The following SLC2A9 variants were observed in gnomAD, a reference collection of about 807,000 sequenced individuals.
SLC2A9 encodes solute carrier family 2 member 9, also known as solute carrier family 2, facilitated glucose transporter member 9.
Under a neutral mutation model 50.6 loss-of-function variants are expected in SLC2A9, and 39 were observed. The observed-to-expected ratio is 0.77, with a 90% CI of 0.60 to 1.01. The LOEUF (loss-of-function observed/expected upper bound fraction) is 1.01. Ranked by LOEUF, SLC2A9 falls within the 50% of genes least tolerant of loss-of-function variation. The probability of loss-of-function intolerance (pLI) is 0.00; values close to 1 mark genes in which losing one functional copy is unlikely to be tolerated. For synonymous variants in SLC2A9, 324 were observed against 276.9 expected (o/e 1.17, Z -1.69); for missense variants, 686 against 677.6 (o/e 1.01, Z -0.14).
At chr4:9,920,883 G>A (rs142962676) in intron 6 of SLC2A9, among the ~76,000 whole-genome samples, 280 of 152,334 alleles carry the variant, frequency 1.8e-3, no homozygotes, top group African/African-American at 6.4e-3. Context: ...TATAACATTG[G>A]GCAGTTGTGT....
chr4:9,783,230 G>A lies in SLC2A9; in HGVS notation n.386-3165C>T, dbSNP rs376053096. ...GCTCATCTCCTACAACCAAGACATC[G>A]TCTTCCACAAGGAAATCGCAGCTGC... On this transcript the variant is annotated intron_variant and non_coding_transcript_variant, in intron 3 of 3. Coordinates refer to the SLC2A9 transcript ENST00000503803. The A allele has an allele frequency of 1.9e-6, 3 of 1,614,160 alleles. No individual in the cohort carries two copies. The highest frequency in any genetic ancestry group is 1.6e-4 in the Middle Eastern group (1 of 6,062).
chr4:9,967,818 T>C (rs1753271609), intron 5 of SLC2A9, among the ~76,000 whole-genome samples: 1 of 118,758 alleles, frequency 8.4e-6, no homozygotes, highest in Admixed American at 8.6e-5. Context: ...AATAAGAAAG[T>C]ATAGAACAAA....
At chr4:9,789,715 C>T (rs955871056) in intron 3 of SLC2A9, among the ~76,000 whole-genome samples, 11 of 152,354 alleles carry the variant, frequency 7.2e-5, no homozygotes, top group African/African-American at 2.4e-4. Context: ...GCAGAGCCAT[C>T]AGACTTTTGC....
intron 8 of SLC2A9, among the ~76,000 whole-genome samples, chr4:9,900,171 G>A (rs886462561): frequency 2.0e-5 from 3 of 152,212 alleles, no homozygotes; most frequent in African/African-American, 7.2e-5. Context: ...GCAGTGGGCA[G>A]TGGGAACAGC....
intron 3 of SLC2A9, among the ~76,000 whole-genome samples, chr4:9,991,683 C>T (rs1055237141): frequency 2.6e-5 from 4 of 152,108 alleles, no homozygotes; most frequent in Admixed American, 1.3e-4. Context: ...CACAAGGAAG[C>T]GGCCCTAATG....
At chr4:9,939,088 TAGG>T (rs1747660676) in intron 6 of SLC2A9, among the ~76,000 whole-genome samples, 1 of 152,200 alleles carries the variant, frequency 6.6e-6, no homozygotes, top group African/African-American at 2.4e-5. Flanking sequence ...AATAGGATTT[TAGG>T]AGATTTCAAG....
chr4:9,847,584 G>A (rs550594393), intron 10 of SLC2A9, among the ~76,000 whole-genome samples: 22 of 152,324 alleles, frequency 1.4e-4, no homozygotes, highest in Non-Finnish European at 2.5e-4. Flanking sequence ...AACGGACTAC[G>A]TGCCAGGAAC....
downstream of SLC2A9, among the ~76,000 whole-genome samples, chr4:9,823,912 C>T (rs1164519355): frequency 6.6e-6 from 1 of 152,080 alleles, no homozygotes; most frequent in Non-Finnish European, 1.5e-5. Context: ...AATTAAATTG[C>T]TTATGTTGGG....
chr4:9,877,120 GA>G (rs1446521955), intron 10 of SLC2A9, among the ~76,000 whole-genome samples: 2 of 152,160 alleles, frequency 1.3e-5, no homozygotes, highest in Non-Finnish European at 2.9e-5. Flanking sequence ...CTTTTGAGGG[GA>G]AAGGAGACAT....
At chr4:10,037,021 GTCAT>G (rs1764129288) in intron 1 of SLC2A9, among the ~76,000 whole-genome samples, 1 of 152,136 alleles carries the variant, frequency 6.6e-6, no homozygotes, top group African/African-American at 2.4e-5. Context: ...CTGCCTTTGA[GTCAT>G]TCACTCATTT....
At chr4:9,787,906 G>T (rs775360806) in intron 3 of SLC2A9, among the ~76,000 whole-genome samples, 4 of 152,172 alleles carry the variant, frequency 2.6e-5, no homozygotes, top group African/African-American at 4.8e-5. Flanking sequence ...TGCTCATGAG[G>T]TTACGGTGCT....
At chr4:10,021,137 C>A in intron 1 of SLC2A9, 143 bp downstream of exon 1, 1 of 856,448 alleles carries the variant, frequency 1.2e-6, no homozygotes, top group Non-Finnish European at 1.9e-6. Flanking sequence ...AAGTGCAACT[C>A]AAACTGAGGC....
In SLC2A9 at chr4:9,782,915, A is replaced by G. The variant is rs1444864738; in HGVS notation, n.386-2850T>C. ...CATCAAGAAGGAGACCAAGGTTCTC[A>G]AGACCCTGTCGGTGATCATGGGGGT... On this transcript the variant is annotated intron_variant and non_coding_transcript_variant, in intron 3 of 3. Coordinates refer to the SLC2A9 transcript ENST00000503803. 2.5e-6 allele frequency: 4 copies of G among 1,613,890 alleles called. No individual in the cohort carries two copies. In the African/African-American group the frequency reaches 5.3e-5, roughly 22 times the overall value.
chr4:9,908,860 T>A (rs1234757090), intron 7 of SLC2A9, among the ~76,000 whole-genome samples: 1 of 152,180 alleles, frequency 6.6e-6, no homozygotes, highest in Non-Finnish European at 1.5e-5. Flanking sequence ...TTCCTTTTTT[T>A]AAAAGGAACT....
At chr4:9,882,138 T>G (rs1320971615) in intron 10 of SLC2A9, among the ~76,000 whole-genome samples, 1 of 152,246 alleles carries the variant, frequency 6.6e-6, no homozygotes, top group Non-Finnish European at 1.5e-5. Context: ...CAAGCTGATC[T>G]GACAACTAGA....
chr4:9,797,321 A>T (rs1173460400), downstream of SLC2A9, among the ~76,000 whole-genome samples: 1 of 152,220 alleles, frequency 6.6e-6, no homozygotes, highest in African/African-American at 2.4e-5. Flanking sequence ...GAGGTTCAGT[A>T]ATTTTCTTTT....
intron 5 of SLC2A9, among the ~76,000 whole-genome samples, chr4:9,980,025 G>C (rs965260761): frequency 2.0e-5 from 3 of 150,348 alleles, no homozygotes; most frequent in African/African-American, 7.6e-5. Context: ...CATTCGACCT[G>C]AGTGAAATGT....
intron 3 of SLC2A9, among the ~76,000 whole-genome samples, chr4:9,802,101 G>T (rs977956069): frequency 6.6e-6 from 1 of 152,122 alleles, no homozygotes; most frequent in Non-Finnish European, 1.5e-5. Context: ...CCAATGATGG[G>T]CTTATCAGCA....
At chr4:9,838,399 G>A (rs924785012) in intron 10 of SLC2A9, among the ~76,000 whole-genome samples, 3 of 152,242 alleles carry the variant, frequency 2.0e-5, no homozygotes, top group Non-Finnish European at 4.4e-5. Context: ...CATGCTCATT[G>A]ATAAAAAGAA....
Sources: allele counts gnomAD v4.1 joint callset (sites outside exome capture counted in the v4.1 genomes callset), GRCh38; gene constraint gnomAD v4.1.1; transcripts MANE v1.5; gene names NCBI Gene and HGNC (gene_info 2026-07-23, HGNC 2026-07-21).